The following ZNF479 variants were observed in gnomAD, a reference collection of about 807,000 sequenced individuals.
ZNF479 encodes KRAB zinc finger protein KR19.
In ZNF479, 15 loss-of-function variants were observed where a neutral mutation model predicts 14.7. The observed-to-expected ratio is 1.02, with a 90% CI of 0.68 to 1.57. The LOEUF (loss-of-function observed/expected upper bound fraction) is 1.57, where lower values mean the gene tolerates loss of function less well. ZNF479 is among the 40% of genes most tolerant of loss of function. The pLI, the probability that ZNF479 is intolerant of heterozygous loss-of-function variation, is 0.00. For missense variants in ZNF479, 506 were observed against 615.1 expected, an observed-to-expected ratio of 0.82 and a Z score of 1.88; for synonymous variants, 145 against 211.5, an observed-to-expected ratio of 0.69 and a Z score of 2.73.
At chr7:57,126,316 C>A (rs968997110) in intron 2 of ZNF479, among the ~76,000 whole-genome samples, 8 of 150,844 alleles carry the variant, frequency 5.3e-5, no homozygotes, top group Admixed American at 5.3e-4. Flanking sequence ...AAATTGGTGG[C>A]AGCAACTGAA....
At chr7:57,129,013 T>G (rs1300615484) in intron 1 of ZNF479, among the ~76,000 whole-genome samples, 1 of 152,184 alleles carries the variant, frequency 6.6e-6, no homozygotes, top group Non-Finnish European at 1.5e-5. Flanking sequence ...AGACCGAGAC[T>G]TGCAGAAAAC....
intron 1 of ZNF479, 53 bp from the exon 2 acceptor site, chr7:57,126,771 G>A (rs1368352522): frequency 1.2e-5 from 19 of 1,603,066 alleles, no homozygotes; most frequent in Middle Eastern, 3.3e-4. Flanking sequence ...CTTACCACAC[G>A]GCCATAGGCA....
At chr7:57,126,773 C>T in intron 1 of ZNF479, 55 bp from the exon 2 acceptor site, 1 of 1,602,246 alleles carries the variant, frequency 6.2e-7, no homozygotes, top group Non-Finnish European at 8.5e-7. Flanking sequence ...TACCACACGG[C>T]CATAGGCAGA....
chr7:57,128,786 A>G (rs899744121), intron 1 of ZNF479, among the ~76,000 whole-genome samples: 5 of 152,244 alleles, frequency 3.3e-5, no homozygotes, highest in Non-Finnish European at 7.3e-5. Flanking sequence ...AAAATTTGCA[A>G]GATCTGAACA....
exon 1 of ZNF479, chr7:57,139,646 G>A (rs1786795548): frequency 6.6e-6 from 1 of 152,198 alleles, no homozygotes; most frequent in Admixed American, 6.5e-5. Flanking sequence ...TTCTGCATGA[G>A]AGCTGTCCTC....
chr7:57,123,492 C>A (rs1786035593), intron 3 of ZNF479, among the ~76,000 whole-genome samples: 1 of 152,182 alleles, frequency 6.6e-6, no homozygotes, highest in African/African-American at 2.4e-5. Context: ...ACACAATATT[C>A]TTATTTGCAC....
rs1785912525 is a variant in ZNF479, at chr7:57,120,942, T to C, written c.473A>G (p.Gln158Arg). 3 of 1,613,962 alleles carry C rather than the reference T, an allele frequency of 1.9e-6. No homozygotes were observed. Among genetic ancestry groups the C allele is most frequent in the Non-Finnish European group, 2.5e-6 (3 of 1,179,990 alleles). ...AAAGACTTTGACATATTTATGAGTC[T>C]GAAATATTTTGTTTTGGGTAGTTGA... ...CLSTTQNKIF[Q>R]THKYVKVFGK... Residue 158 changes from glutamine to arginine, a missense_variant, in exon 4 of 4, where the codon CAG (glutamine) becomes CGG (arginine). Gln to Arg is a conservative substitution (Grantham distance 43, BLOSUM62 1). Around this residue, in one of 3 missense-constraint regions of ZNF479, gnomAD observed 420 missense variants for 474.2 expected, o/e 0.89. Coordinates refer to ENST00000319636, the MANE Select transcript of ZNF479 (RefSeq NM_001370129.2).
upstream of ZNF479, among the ~76,000 whole-genome samples, chr7:57,135,586 T>C (rs1277296927): frequency 2.0e-5 from 3 of 152,028 alleles, no homozygotes; most frequent in African/African-American, 7.2e-5. Context: ...CTAATTTTTG[T>C]ATTTTTAGTA....
intron 3 of ZNF479, among the ~76,000 whole-genome samples, chr7:57,125,533 G>A: frequency 6.6e-6 from 1 of 151,210 alleles, no homozygotes; most frequent in Non-Finnish European, 1.5e-5. Flanking sequence ...TAAAAAATTT[G>A]TAAAAAATTT....
rs191767587 is a variant in ZNF479, at chr7:57,120,998, C to A, written c.417G>T (p.Lys139Asn). 1.2e-6 allele frequency: 2 copies of A among 1,613,302 alleles called. No homozygotes were observed. The highest frequency in any genetic ancestry group is 1.7e-6 in the Non-Finnish European group (2 of 1,179,988). ...ATTGGTTAACTTCACTATAACCTCC[C>A]TTGTGCACCTCATATTCACCCACAC... Reference protein sequence around the residue: ...CKSVGEYEVHKGGYSEVNQCL... With the variant: ...CKSVGEYEVHNGGYSEVNQCL... The change falls in exon 4 of 4, where the codon AAG becomes AAT. Residue 139 changes from lysine (K) to asparagine (N), a missense_variant. Lys to Asn is a moderately conservative substitution (Grantham distance 94). This residue lies in a region of ZNF479 where 420 missense variants were observed against 474.2 expected (regional missense o/e 0.89). Transcript: ENST00000319636.
At chr7:57,135,266 C>A (rs1786594896), upstream of ZNF479, among the ~76,000 whole-genome samples, 1 of 152,092 alleles carries the variant, frequency 6.6e-6, no homozygotes, top group African/African-American at 2.4e-5. Flanking sequence ...ACTTGAAAAA[C>A]TTGTGTTTGA....
chr7:57,135,006 C>T (rs1381281950), upstream of ZNF479, among the ~76,000 whole-genome samples: 1 of 152,046 alleles, frequency 6.6e-6, no homozygotes, highest in Non-Finnish European at 1.5e-5. Flanking sequence ...GTACGAGATC[C>T]AAGAACCCAA....
Position 57,132,332 on chromosome 7 carries a change from C to A in ZNF479, c.-8G>T. ...TCCTGGTCTTTTAGCCATAAATCTGCAGATACCTGCAGGACACAAGGACAC... is the reference window on the plus strand; with the variant it reads ...TCCTGGTCTTTTAGCCATAAATCTGAAGATACCTGCAGGACACAAGGACAC... On this transcript the variant is annotated 5_prime_UTR_variant, in exon 1 of 4. Coordinates refer to ENST00000319636, the MANE Select transcript of ZNF479 (RefSeq NM_001370129.2). 1.2e-6 allele frequency: 2 copies of A among 1,614,096 alleles called. No individual in the cohort carries two copies. The highest frequency in any genetic ancestry group is 1.7e-6 in the Non-Finnish European group (2 of 1,180,004).
Position 57,120,398 on chromosome 7 carries a change from G to A in ZNF479, c.1017C>T (p.Asn339=), listed in dbSNP as rs782444014. The A allele has an allele frequency of 7.4e-6, 12 of 1,613,208 alleles. No individual in the cohort carries two copies. The East Asian group carries it at 1.3e-4, about 18-fold the overall frequency. ...ECGKAFSWSS[N]LTRHKRIHTR... ...TATGAATTCTCTTATGTCTAGTAAG[G>A]TTTGAGGACCAGCTAAAGGCTTTGC... The change falls in exon 4 of 4, where the codon AAC becomes AAT. Residue 339 remains asparagine, a synonymous_variant. Transcript: ENST00000319636.
At chr7:57,127,045 C>A (rs781133810) in intron 1 of ZNF479, among the ~76,000 whole-genome samples, 13 of 123,278 alleles carry the variant, frequency 1.1e-4, no homozygotes, top group Non-Finnish European at 1.2e-4. Context: ...TTTTTTGAGA[C>A]CGAGTCTCAC....
intron 1 of ZNF479, among the ~76,000 whole-genome samples, chr7:57,138,608 G>T (rs939344151): frequency 6.6e-6 from 1 of 152,186 alleles, no homozygotes; most frequent in Non-Finnish European, 1.5e-5. Context: ...GAGAGGTATT[G>T]ACTTTCATAG....
chr7:57,123,965 C>A (rs867417279), intron 3 of ZNF479, among the ~76,000 whole-genome samples: 181 of 152,110 alleles, frequency 1.2e-3, no homozygotes, highest in African/African-American at 4.0e-3. Flanking sequence ...TCACTGTATT[C>A]TTGCACAGGG....
upstream of ZNF479, among the ~76,000 whole-genome samples, chr7:57,137,206 T>TG (rs1176691432): frequency 3.9e-5 from 6 of 152,190 alleles, no homozygotes; most frequent in Non-Finnish European, 7.3e-5. Context: ...GCACAATCTT[T>TG]GCTCACTACA....
Position 57,120,890 on chromosome 7 carries a change from A to G in ZNF479, c.525T>C (p.Asp175=). ...VFGKFSNSNR[D]KTRYTGNKHF... ...GTTTATTTCCAGTATATCTTGTTTTATCTCTATTGGAATTTGAAAATTTAC... is the reference window on the plus strand; with the variant it reads ...GTTTATTTCCAGTATATCTTGTTTTGTCTCTATTGGAATTTGAAAATTTAC... Residue 175 remains aspartate (D), a synonymous_variant, in exon 4 of 4, where the codon GAT becomes GAC. Coordinates refer to ENST00000319636, the MANE Select transcript of ZNF479 (RefSeq NM_001370129.2). The G allele has an allele frequency of 1.2e-6, 2 of 1,613,894 alleles. No individual in the cohort carries two copies. Among genetic ancestry groups the G allele is most frequent in the Non-Finnish European group, 1.7e-6 (2 of 1,179,948 alleles).
Sources: gnomAD v4.1 joint callset for allele counts (sites outside exome capture counted in the v4.1 genomes callset) on GRCh38, gnomAD v4.1.1 for gene constraint, gnomAD v4.1.1 regional missense constraint, MANE v1.5 for transcripts, NCBI Gene and HGNC (gene_info 2026-07-23, HGNC 2026-07-21) for gene names.